Variants in PCDHGA6 observed in about 807,000 individuals in gnomAD.
PCDHGA6 encodes the protein protocadherin gamma subfamily A, 6.
A neutral mutation model predicts 60.6 loss-of-function variants in PCDHGA6; 41 were observed. The ratio of observed to expected loss-of-function variants is 0.68; its 90% confidence interval spans 0.53 to 0.88. The LOEUF (loss-of-function observed/expected upper bound fraction) is 0.88, where lower values mean the gene tolerates loss of function less well. Among genes scored for constraint, PCDHGA6 ranks in the 40% least tolerant of loss-of-function variants. The probability of loss-of-function intolerance (pLI) is 0.00; values close to 1 mark genes in which losing one functional copy is unlikely to be tolerated. For missense variants in PCDHGA6, 1,312 were observed against 1,203.0 expected (o/e 1.09, Z -1.34); for synonymous variants, 594 against 524.4 (o/e 1.13, Z -1.81).
intron 3 of PCDHGA6, among the ~76,000 whole-genome samples, chr5:141,510,424 C>T (rs2154594619): frequency 6.6e-6 from 1 of 152,236 alleles, no homozygotes; most frequent in South Asian, 2.1e-4. Flanking sequence ...GCCATGGTTT[C>T]ATGGCTGCTG....
At chr5:141,473,988 G>C (rs1006988447) in intron 1 of PCDHGA6, among the ~76,000 whole-genome samples, 8 of 152,118 alleles carry the variant, frequency 5.3e-5, no homozygotes, top group Non-Finnish European at 4.4e-5. Context: ...AGGATCCCTT[G>C]AGCCCAAGGA....
chr5:141,455,897 T>C (rs1330516646), intron 1 of PCDHGA6, among the ~76,000 whole-genome samples: 1 of 149,800 alleles, frequency 6.7e-6, no homozygotes, highest in African/African-American at 2.4e-5. Flanking sequence ...ATTTATTTAT[T>C]TATTTATTTA....
Position 141,405,029 on chromosome 5 carries a change from C to G in PCDHGA6, c.2424+28522C>G, listed in dbSNP as rs565871444. 16 of 1,613,976 alleles carry G rather than the reference C, an allele frequency of 9.9e-6. No individual in the cohort carries two copies. The Admixed American group carries it at 1.0e-4, about 10-fold the overall frequency. On this transcript the variant is annotated intron_variant, in intron 1 of 3. Coordinates refer to ENST00000517434, the MANE Select transcript of PCDHGA6 (RefSeq NM_018919.3). ...GGAGGCCTCAGACCTTACCCTCTAC[C>G]TCGTTGTGGCTGTGGCAGTCGTCTC...
At chr5:141,386,290 A>T (rs2090519757) in intron 1 of PCDHGA6, among the ~76,000 whole-genome samples, 1 of 152,214 alleles carries the variant, frequency 6.6e-6, no homozygotes, top group African/African-American at 2.4e-5. Flanking sequence ...TTTGTATAAC[A>T]TTTTAGTAAA....
At chr5:141,393,592 G>T (rs200863279) in intron 1 of PCDHGA6, 1 of 1,613,908 alleles carries the variant, frequency 6.2e-7, no homozygotes, top group South Asian at 1.1e-5. Flanking sequence ...CCAGGCACGC[G>T]GCTGCTTACT....
intron 2 of PCDHGA6, 141 bp downstream of exon 2, chr5:141,495,006 G>C (rs1030195663): frequency 2.0e-6 from 3 of 1,521,446 alleles, no homozygotes; most frequent in Non-Finnish European, 8.8e-7. Flanking sequence ...CTTGGTGTGC[G>C]GGGGGCTGGC....
intron 1 of PCDHGA6, among the ~76,000 whole-genome samples, chr5:141,451,410 G>T (rs1201545799): frequency 6.6e-6 from 1 of 152,190 alleles, no homozygotes; most frequent in East Asian, 1.9e-4. Context: ...TAAGTTCCTT[G>T]TGGATTGTTA....
chr5:141,400,743 C>G (rs1404866842), intron 1 of PCDHGA6: 1 of 611,332 alleles, frequency 1.6e-6, no homozygotes, highest in Non-Finnish European at 2.8e-6. Flanking sequence ...AGAGTTTGCT[C>G]TTAGCTTCCT....
chr5:141,449,588 CAAAAAA>C (rs768743917), intron 1 of PCDHGA6, among the ~76,000 whole-genome samples: 1 of 57,492 alleles, frequency 1.7e-5, no homozygotes, highest in Admixed American at 1.8e-4. Flanking sequence ...GACTCTGTCT[CAAAAAA>C]AAAAAAAAAA....
chr5:141,481,066 A>G (rs1366968394), intron 1 of PCDHGA6, among the ~76,000 whole-genome samples: 1 of 152,156 alleles, frequency 6.6e-6, no homozygotes, highest in Non-Finnish European at 1.5e-5. Flanking sequence ...TCAAAAACAA[A>G]AAGAAAGAAA....
At chr5:141,387,967 C>A in intron 1 of PCDHGA6, 1 of 1,489,224 alleles carries the variant, frequency 6.7e-7, no homozygotes, top group Non-Finnish European at 9.0e-7. Context: ...TTCTGCCCGG[C>A]GCTCTGTGAG....
In PCDHGA6 at chr5:141,388,603, C is replaced by T. The variant is rs558931275; in HGVS notation, c.2424+12096C>T. The T allele has an allele frequency of 6.9e-5, 111 of 1,613,860 alleles. 1 individual carries two copies. The South Asian group carries it at 1.2e-3, about 18-fold the overall frequency. ...GTGACTGATGCCAATGATAATGCTCCAGTGTTCAGTCAAGACGTATACAGG... is the reference window on the plus strand; with the variant it reads ...GTGACTGATGCCAATGATAATGCTCTAGTGTTCAGTCAAGACGTATACAGG... On this transcript the variant is annotated intron_variant, in intron 1 of 3. Transcript: ENST00000517434.
rs375363587 is a variant in PCDHGA6 at position 141,414,524 on chromosome 5, A to G, written c.2424+38017A>G. On this transcript the variant is annotated intron_variant, in intron 1 of 3. Coordinates refer to ENST00000517434, the MANE Select transcript of PCDHGA6 (RefSeq NM_018919.3). ...TTTATGCTACAAGTGGCAGATATCA[A>G]TGACAACCCACCTACCTTCTCTCAA... 105 of 1,613,844 alleles carry G rather than the reference A, an allele frequency of 6.5e-5. 1 individual carries two copies. In the South Asian group the frequency reaches 7.2e-4, roughly 11 times the overall value.
At chr5:141,418,115 G>C in intron 1 of PCDHGA6, 1 of 1,614,098 alleles carries the variant, frequency 6.2e-7, no homozygotes, top group South Asian at 1.1e-5. Context: ...GGACTTACTT[G>C]TGAAGGACCG....
At chr5:141,426,427 G>A in intron 1 of PCDHGA6, 2 of 293,710 alleles carry the variant, frequency 6.8e-6, no homozygotes, top group Non-Finnish European at 1.3e-5. Context: ...CTCCGTGGTG[G>A]GGAACCTTGC....
At position 141,430,860 on chromosome 5, in the gene PCDHGA6, C is replaced by G. The variant is rs773955533; in HGVS notation, c.2424+54353C>G. ...ACCGGATGCACCCAGATACGCTATTCAGTTCCGGAAGAGCTGGAGAAAGGC... is the reference window on the plus strand; with the variant it reads ...ACCGGATGCACCCAGATACGCTATTGAGTTCCGGAAGAGCTGGAGAAAGGC... On this transcript the variant is annotated intron_variant, in intron 1 of 3. Transcript: ENST00000517434. 4 of 1,592,382 alleles carry G rather than the reference C, an allele frequency of 2.5e-6. No individual in the cohort carries two copies. In the South Asian group the frequency reaches 4.6e-5, roughly 18 times the overall value.
chr5:141,501,314 C>G, intron 2 of PCDHGA6, among the ~76,000 whole-genome samples: 1 of 151,728 alleles, frequency 6.6e-6, no homozygotes, highest in Non-Finnish European at 1.5e-5. Flanking sequence ...CACACACACA[C>G]ACACACACAC....
chr5:141,481,895 A>G (rs1285005477), intron 1 of PCDHGA6, among the ~76,000 whole-genome samples: 2 of 147,522 alleles, frequency 1.4e-5, no homozygotes, highest in Non-Finnish European at 3.0e-5. Context: ...GCCTGGGTGA[A>G]AGAGCGAAAC....
At chr5:141,429,801 C>T (rs2097245893) in intron 1 of PCDHGA6, among the ~76,000 whole-genome samples, 1 of 152,104 alleles carries the variant, frequency 6.6e-6, no homozygotes, top group African/African-American at 2.4e-5. Flanking sequence ...CAGTAATTCT[C>T]AGTAATTACA....
Sources: allele counts gnomAD v4.1 joint callset (sites outside exome capture counted in the v4.1 genomes callset), GRCh38; gene constraint gnomAD v4.1.1; transcripts MANE v1.5; gene names NCBI Gene and HGNC (gene_info 2026-07-23, HGNC 2026-07-21).